Variants in GARIN3 observed in about 807,000 individuals in gnomAD.
GARIN3 encodes the protein golgi associated RAB2 interactor family member 3.
At chr5:157,163,205 C>T in the GARIN3 span, 2 of 1,614,140 alleles carry the variant, frequency 1.2e-6, no homozygotes, top group East Asian at 2.2e-5. Context: ...GAAGTACCTT[C>T]CAAGGAGGTG....
chr5:157,165,838 G>A, the GARIN3 span: 29 of 1,613,946 alleles, frequency 1.8e-5, no homozygotes, highest in South Asian at 1.2e-4. Context: ...ACGGGCCTGC[G>A]ACCTCTCCCC....
chr5:157,162,519 C>T, the GARIN3 span: 1 of 1,614,168 alleles, frequency 6.2e-7, no homozygotes, highest in Non-Finnish European at 8.5e-7. Flanking sequence ...TCATCTCCAG[C>T]TCCTGGCCAC....
At chr5:157,162,478 T>A in the GARIN3 span, 2 of 1,614,134 alleles carry the variant, frequency 1.2e-6, no homozygotes, top group Non-Finnish European at 1.7e-6. Context: ...GACGATCATC[T>A]CCGTCTTCTC....
chr5:157,162,196 T>G, the GARIN3 span: 1 of 550,764 alleles, frequency 1.8e-6, no homozygotes, highest in Non-Finnish European at 3.1e-6. Context: ...ACGTTGGCTC[T>G]GCTGGCCGTG....
At chr5:157,165,141 G>A in the GARIN3 span, among the ~76,000 whole-genome samples, 1 of 152,104 alleles carries the variant, frequency 6.6e-6, no homozygotes, top group Non-Finnish European at 1.5e-5. Flanking sequence ...TCAGATGATG[G>A]TTACACTAAA....
chr5:157,162,874 G>A, the GARIN3 span: 10 of 1,614,124 alleles, frequency 6.2e-6, no homozygotes, highest in Non-Finnish European at 5.9e-6. Context: ...GTGGGAAGAC[G>A]CTTTCTGATT....
chr5:157,163,998 A>C, the GARIN3 span, among the ~76,000 whole-genome samples: 1 of 152,116 alleles, frequency 6.6e-6, no homozygotes, highest in Admixed American at 6.5e-5. Context: ...CAGAGGCTGC[A>C]GTGAGCCAAG....
the GARIN3 span, chr5:157,163,306 T>A: frequency 6.2e-7 from 1 of 1,614,216 alleles, no homozygotes; most frequent in Non-Finnish European, 8.5e-7. Context: ...TTCTCCTGGA[T>A]TTTTGATAGC....
the GARIN3 span, chr5:157,165,520 C>A: frequency 1.3e-6 from 2 of 1,557,728 alleles, no homozygotes; most frequent in Admixed American, 1.9e-5. Context: ...AACTGCTCCC[C>A]CAAAGAACCT....
chr5:157,163,007 G>T, the GARIN3 span: 6 of 1,614,088 alleles, frequency 3.7e-6, no homozygotes, highest in African/African-American at 6.7e-5. Context: ...TCAGCACTGG[G>T]CTGGGAAACT....
At chr5:157,162,479 C>A in the GARIN3 span, 2 of 1,614,124 alleles carry the variant, frequency 1.2e-6, no homozygotes, top group Non-Finnish European at 1.7e-6. Context: ...ACGATCATCT[C>A]CGTCTTCTCG....
chr5:157,163,203 T>C, the GARIN3 span: 1 of 1,614,140 alleles, frequency 6.2e-7, no homozygotes, highest in Non-Finnish European at 8.5e-7. Context: ...TGGAAGTACC[T>C]TCCAAGGAGG....
the GARIN3 span, chr5:157,162,230 C>T: frequency 1.5e-6 from 1 of 659,320 alleles, no homozygotes. Context: ...GCTCTACTTG[C>T]CTGGAGGCTG....
the GARIN3 span, among the ~76,000 whole-genome samples, chr5:157,165,000 T>C: frequency 0.017 from 2,645 of 152,070 alleles, 73 homozygotes; most frequent in African/African-American, 0.061. Context: ...GCCTGGGAGA[T>C]AAGAGCGAAA....
the GARIN3 span, chr5:157,162,372 G>T: frequency 1.1e-5 from 17 of 1,519,282 alleles, no homozygotes; most frequent in Middle Eastern, 8.9e-4. Context: ...TATTTGAACT[G>T]CAGTAAAGAA....
At chr5:157,165,163 C>T in the GARIN3 span, among the ~76,000 whole-genome samples, 1 of 152,254 alleles carries the variant, frequency 6.6e-6, no homozygotes, top group South Asian at 2.1e-4. Flanking sequence ...GCCCAGACTT[C>T]ACCAGTATGC....
chr5:157,163,246 C>A, the GARIN3 span: 8 of 1,614,100 alleles, frequency 5.0e-6, no homozygotes, highest in South Asian at 1.1e-5. Context: ...CAAGCTAATA[C>A]CCTCTGAGGA....
the GARIN3 span, chr5:157,165,762 T>C: frequency 6.2e-7 from 1 of 1,613,890 alleles, no homozygotes; most frequent in East Asian, 2.2e-5. Flanking sequence ...CTGCTGTTTC[T>C]CATGATCGTG....
At chr5:157,163,377 C>T in the GARIN3 span, 1 of 1,614,130 alleles carries the variant, frequency 6.2e-7, no homozygotes, top group Non-Finnish European at 8.5e-7. Flanking sequence ...TTGCTATGCT[C>T]ATAGCACCTG....
Sources: gnomAD v4.1 joint callset for allele counts (sites outside exome capture counted in the v4.1 genomes callset) on GRCh38, gnomAD v4.1.1 for gene constraint, MANE v1.5 for transcripts, NCBI Gene and HGNC (gene_info 2026-07-23, HGNC 2026-07-21) for gene names.